KIF13A: variants seen among roughly 807,000 people sequenced by gnomAD.
KIF13A encodes the protein kinesin-like protein KIF13A.
KIF13A carries 79 observed loss-of-function variants against 212.2 expected under a neutral mutation model. The observed-to-expected ratio is 0.37, with a 90% CI of 0.31 to 0.45. KIF13A has a LOEUF of 0.45. KIF13A is among the 20% of genes least tolerant of loss of function. The pLI is 1.00. For synonymous variants in KIF13A, 789 were observed against 808.6 expected (o/e 0.98, Z 0.41); for missense variants, 1,901 against 2,209.0 (o/e 0.86, Z 2.79).
intron 2 of KIF13A, among the ~76,000 whole-genome samples, chr6:17,941,556 C>T (rs1003094634): frequency 3.3e-5 from 5 of 151,994 alleles, no homozygotes; most frequent in East Asian, 3.9e-4. Flanking sequence ...CAAGGAAATC[C>T]GGACAGAGAC....
At chr6:17,784,519 C>A (rs959953330) in intron 28 of KIF13A, among the ~76,000 whole-genome samples, 1 of 152,164 alleles carries the variant, frequency 6.6e-6, no homozygotes, top group African/African-American at 2.4e-5. Flanking sequence ...AATGCAAATT[C>A]TTATTTAAAA....
intron 38 of KIF13A, chr6:17,770,900 C>A: frequency 1.9e-6 from 1 of 528,820 alleles, no homozygotes; most frequent in South Asian, 3.2e-5. Flanking sequence ...TTTTTCTAAG[C>A]AAACTTAAGC....
At chr6:17,815,907 CTTTTT>C (rs57780326) in intron 17 of KIF13A, among the ~76,000 whole-genome samples, 2 of 130,550 alleles carry the variant, frequency 1.5e-5, no homozygotes, top group Non-Finnish European at 1.6e-5. Context: ...TAGTCAGGTT[CTTTTT>C]TTTTTTTTTT....
rs1251607198 is a variant in KIF13A at position 17,772,203 on chromosome 6, T to C, written c.4325-144A>G. The C allele has an allele frequency of 2.8e-6, 2 of 724,454 alleles. No homozygotes were observed. Among genetic ancestry groups the C allele is most frequent in the Admixed American group, 2.8e-5 (1 of 35,986 alleles). The allele number at this position is 724,454 out of a possible 1,614,324, so 44.9% of individuals were successfully genotyped here. Reference sequence around the variant, plus strand: ...ATATTTGGCTAAGCATTAAAACAGATGTATGCCCACCCTGTGCAACATAGG... The same window carrying C: ...ATATTTGGCTAAGCATTAAAACAGACGTATGCCCACCCTGTGCAACATAGG... On this transcript the variant is annotated intron_variant, in intron 36 of 38. Coordinates refer to ENST00000259711, the MANE Select transcript of KIF13A (RefSeq NM_022113.6). This position sits in a 1 kb window ranked among gnomAD's most constrained non-coding sequence, Gnocchi z 4.8.
chr6:17,951,236 T>A lies in KIF13A; in HGVS notation c.146+35818A>T, dbSNP rs1777818167. The A allele has an allele frequency of 2.5e-6, 2 of 805,800 alleles. No homozygotes were observed. Among genetic ancestry groups the A allele is most frequent in the Admixed American group, 4.0e-5 (1 of 25,304 alleles). The allele number at this position is 805,800 out of a possible 1,614,324, so 49.9% of individuals were successfully genotyped here. A position where few individuals can be genotyped will look rare whatever the true frequency, so the allele number is the denominator to read the frequency against. On this transcript the variant is annotated intron_variant, in intron 2 of 38. Coordinates refer to ENST00000259711, the MANE Select transcript of KIF13A (RefSeq NM_022113.6). This position sits in a 1 kb window ranked among gnomAD's most constrained non-coding sequence, Gnocchi z 4.9. Reference sequence around the variant, plus strand: ...GTGGCTCAAACAGCTCACTGGAGCCTCCTGCCTCAGTCTCCTGAGTAGCTG... The same window carrying A: ...GTGGCTCAAACAGCTCACTGGAGCCACCTGCCTCAGTCTCCTGAGTAGCTG...
chr6:17,859,474 G>C (rs1025829427), intron 4 of KIF13A, among the ~76,000 whole-genome samples: 1 of 150,474 alleles, frequency 6.6e-6, no homozygotes, highest in African/African-American at 2.4e-5. Flanking sequence ...AAAAACAAGA[G>C]TAAATTTTAG....
intron 2 of KIF13A, among the ~76,000 whole-genome samples, 172 bp downstream of exon 2, chr6:17,986,882 G>C (rs951467135): frequency 6.6e-6 from 1 of 152,244 alleles, no homozygotes; most frequent in African/African-American, 2.4e-5. Context: ...GAGGAGAAGG[G>C]GGGCGAGGGA....
chr6:17,952,407 G>A (rs952254445), intron 2 of KIF13A, among the ~76,000 whole-genome samples: 4 of 151,560 alleles, frequency 2.6e-5, no homozygotes, highest in Admixed American at 1.3e-4. Flanking sequence ...CTGGGGTTGG[G>A]GGATCGCTTG....
At chr6:17,941,924 T>C (rs1776990683) in intron 2 of KIF13A, among the ~76,000 whole-genome samples, 2 of 151,962 alleles carry the variant, frequency 1.3e-5, no homozygotes, top group African/African-American at 4.8e-5. Flanking sequence ...CATAGGAAAG[T>C]TTACGGTGAG....
intron 2 of KIF13A, among the ~76,000 whole-genome samples, chr6:17,905,420 G>A (rs1470901122): frequency 6.6e-6 from 1 of 152,224 alleles, no homozygotes; most frequent in African/African-American, 2.4e-5. Flanking sequence ...ATATTAAGTG[G>A]ATGGTGATAA....
chr6:17,808,852 G>T lies in KIF13A; in HGVS notation c.2079C>A (p.Asn693Lys), dbSNP rs1459323073. ...VKANTLVREA[N>K]FLAEEMSKLT... Reference sequence around the variant, plus strand: ...GTTTGCTCATTTCCTCAGCCAGGAAGTTTGCTTCCCTCACCAAGGTATTAG... The same window carrying T: ...GTTTGCTCATTTCCTCAGCCAGGAATTTTGCTTCCCTCACCAAGGTATTAG... Residue 693 changes from asparagine (N) to lysine (K), a missense_variant, in exon 18 of 39, where the codon AAC (asparagine) becomes AAA (lysine). Physicochemically the swap from Asn to Lys is moderately conservative, Grantham distance 94. Around this residue, in one of 5 missense-constraint regions of KIF13A, gnomAD observed 534 missense variants for 536.9 expected, o/e 0.99. Coordinates refer to ENST00000259711, the MANE Select transcript of KIF13A (RefSeq NM_022113.6). 2 of 1,613,854 alleles carry T rather than the reference G, an allele frequency of 1.2e-6. No individual in the cohort carries two copies. The highest frequency in any genetic ancestry group is 1.1e-5 in the South Asian group (1 of 91,018).
At position 17,987,625 on chromosome 6, in the gene KIF13A, G is replaced by A. The variant is rs991311399; in HGVS notation, c.-162C>T. The A allele has an allele frequency of 4.9e-6, 1 of 202,946 alleles. No homozygotes were observed. The highest frequency in any genetic ancestry group is 8.5e-6 in the Non-Finnish European group (1 of 117,958). 12.6% of individuals were successfully genotyped at this position (202,946 alleles called of 1,614,324 possible). A position where few individuals can be genotyped will look rare whatever the true frequency, so the allele number is the denominator to read the frequency against. ...CGCCGAGGCGCGCGGGCCATCCCGG[G>A]GGAGCGCGACGCGGGGCACGGCCGC... On this transcript the variant is annotated 5_prime_UTR_variant, in exon 1 of 39. Transcript: ENST00000259711. The surrounding 1 kb of genome is among the most constrained non-coding windows in gnomAD (Gnocchi z 7.7).
Position 17,963,239 on chromosome 6 carries a change from G to A in KIF13A, c.146+23815C>T, listed in dbSNP as rs184183489. Among the ~76,000 whole-genome samples the A allele has an allele frequency of 4.6e-5, 7 of 152,256 alleles. No individual in the cohort carries two copies. In the South Asian group the frequency reaches 1.0e-3, roughly 23 times the overall value. On this transcript the variant is annotated intron_variant, in intron 2 of 38. Transcript: ENST00000259711. The surrounding 1 kb of genome is among the most constrained non-coding windows in gnomAD (Gnocchi z 4.1). ...TCAAGACCAGCCTGGCCAACATGGC[G>A]AAGCTCCGTCTCTACTAAAAATACA...
At chr6:17,950,632 C>T (rs1777765563) in intron 2 of KIF13A, 1 of 985,002 alleles carries the variant, frequency 1.0e-6, no homozygotes. Context: ...AATTAAAAAG[C>T]AATAACTATC....
chr6:17,941,107 G>A (rs1011166638), intron 2 of KIF13A, among the ~76,000 whole-genome samples: 4 of 152,176 alleles, frequency 2.6e-5, no homozygotes, highest in African/African-American at 9.7e-5. Flanking sequence ...TTACAGGCGT[G>A]AGCCATTGCA....
At chr6:17,939,159 C>CGAAA (rs1776739073) in intron 2 of KIF13A, among the ~76,000 whole-genome samples, 1 of 152,190 alleles carries the variant, frequency 6.6e-6, no homozygotes, top group South Asian at 2.1e-4. Flanking sequence ...TTTCCTCCCC[C>CGAAA]TTTCCTTGTG....
At chr6:17,927,609 A>AGTT (rs1775600401) in intron 2 of KIF13A, among the ~76,000 whole-genome samples, 1 of 152,232 alleles carries the variant, frequency 6.6e-6, no homozygotes, top group Admixed American at 6.5e-5. Context: ...GCTGCATAAC[A>AGTT]CTGTGAATGT....
rs566119063 is a variant in KIF13A at position 17,950,666 on chromosome 6, T to C, written c.146+36388A>G. ...TCTCTCAATCTGAGGAATTCAACTT[T>C]ATGTGTCTAAGAGTCCTCAAATACA... On this transcript the variant is annotated intron_variant, in intron 2 of 38. Coordinates refer to ENST00000259711, the MANE Select transcript of KIF13A (RefSeq NM_022113.6). 6.1e-6 allele frequency: 6 copies of C among 985,186 alleles called. No individual in the cohort carries two copies. The South Asian group carries it at 2.3e-4, about 39-fold the overall frequency. The allele number at this position is 985,186 out of a possible 1,614,324, so 61.0% of individuals were successfully genotyped here.
chr6:17,822,043 CT>C (rs565299308), intron 16 of KIF13A: 27,970 of 578,288 alleles, frequency 0.048, 2 homozygotes, highest in East Asian at 0.063. Flanking sequence ...AACATAACTT[CT>C]TTTTTTTTTT....
Sources: gnomAD v4.1 joint callset for allele counts (sites outside exome capture counted in the v4.1 genomes callset) on GRCh38, gnomAD v4.1.1 for gene constraint, gnomAD v4.1.1 regional missense constraint, Gnocchi (gnomAD v3.1) non-coding constraint, MANE v1.5 for transcripts, NCBI Gene and HGNC (gene_info 2026-07-23, HGNC 2026-07-21) for gene names.